LARP1B: variants seen among roughly 807,000 people sequenced by gnomAD.
LARP1B encodes La ribonucleoprotein 1B, also known as la-related protein 1B.
LARP1B carries 76 observed loss-of-function variants against 114.2 expected under a neutral mutation model. That is an observed-to-expected ratio of 0.67 (90% CI 0.55 to 0.81). The LOEUF (loss-of-function observed/expected upper bound fraction) is 0.81. Ranked by LOEUF, LARP1B falls within the 30% of genes least tolerant of loss-of-function variation. The pLI, the probability that LARP1B is intolerant of heterozygous loss-of-function variation, is 0.00. For missense variants in LARP1B, 1,014 were observed against 1,075.8 expected (o/e 0.94, Z 0.80); for synonymous variants, 345 against 348.0 (o/e 0.99, Z 0.10).
At chr4:128,061,863 C>T (rs911501999) in intron 1 of LARP1B, 3 of 985,112 alleles carry the variant, frequency 3.0e-6, no homozygotes, top group Non-Finnish European at 3.6e-6. Flanking sequence ...GCGGCCGCCA[C>T]TAGCGCTGGG....
chr4:128,182,264 C>T (rs1401246085), intron 15 of LARP1B, among the ~76,000 whole-genome samples: 1 of 151,964 alleles, frequency 6.6e-6, no homozygotes, highest in Non-Finnish European at 1.5e-5. Flanking sequence ...CAGTTGCATG[C>T]CACCATATCC....
rs1392005831 is a variant in LARP1B at position 128,118,882 on chromosome 4, T to C, written c.1162-2944T>C. ...TAATGTGAGGTATGATTCCACAGTC[T>C]TTTTTTTTTTTTGAGACAGAGTTTC... On this transcript the variant is annotated intron_variant, in intron 10 of 19. Transcript: ENST00000326639. Among the ~76,000 whole-genome samples, 32 of 20,442 alleles carry C rather than the reference T, an allele frequency of 1.6e-3. No homozygotes were observed. In the South Asian group the frequency reaches 0.076, roughly 48 times the overall value. The allele number at this position is 20,442 out of a possible 152,430, so 13.4% of individuals were successfully genotyped here. A position where few individuals can be genotyped will look rare whatever the true frequency, so the allele number is the denominator to read the frequency against.
chr4:128,146,336 G>T (rs1035313851), intron 11 of LARP1B, among the ~76,000 whole-genome samples: 3 of 152,162 alleles, frequency 2.0e-5, no homozygotes, highest in African/African-American at 7.2e-5. Context: ...TGCCAATATA[G>T]ATCAAATAAG....
intron 11 of LARP1B, among the ~76,000 whole-genome samples, chr4:128,148,579 A>G (rs938971502): frequency 6.6e-6 from 1 of 151,986 alleles, no homozygotes; most frequent in Non-Finnish European, 1.5e-5. Flanking sequence ...GTCCATAGTC[A>G]TCTTTCTCTT....
At position 128,082,194 on chromosome 4, in the gene LARP1B, T is replaced by C. The variant is rs1240483357; in HGVS notation, c.247T>C (p.Leu83=). The C allele has an allele frequency of 6.2e-7, 1 of 1,612,320 alleles. No homozygotes were observed. The highest frequency in any genetic ancestry group is 2.2e-5 in the East Asian group (1 of 44,886). ...ANKHKWVPLH[L]DVVRSESQER... ...TAAGCACAAGTGGGTACCACTCCACTTAGATGTTGTAAGATCAGAGAGTCA... is the reference window on the plus strand; with the variant it reads ...TAAGCACAAGTGGGTACCACTCCACCTAGATGTTGTAAGATCAGAGAGTCA... The change falls in exon 5 of 20, where the codon TTA becomes CTA. Residue 83 remains leucine, a synonymous_variant. Coordinates refer to ENST00000326639, the MANE Select transcript of LARP1B (RefSeq NM_018078.4).
intron 5 of LARP1B, among the ~76,000 whole-genome samples, chr4:128,084,444 G>A (rs866592877): frequency 6.6e-6 from 1 of 152,244 alleles, no homozygotes; most frequent in South Asian, 2.1e-4. Flanking sequence ...CCAGCACAGC[G>A]AAACCCCGTC....
chr4:128,156,007 G>A (rs958798925), intron 11 of LARP1B: 12 of 1,559,872 alleles, frequency 7.7e-6, no homozygotes, highest in Middle Eastern at 4.3e-4. Flanking sequence ...CCTTTCCCCA[G>A]GGCCTGTGCT....
At position 128,114,610 on chromosome 4, in the gene LARP1B, C is replaced by T; in HGVS notation, c.1029C>T (p.Ser343=). 1 of 1,613,402 alleles carries T rather than the reference C, an allele frequency of 6.2e-7. No homozygotes were observed. The highest frequency in any genetic ancestry group is 1.1e-5 in the South Asian group (1 of 90,968). Reference sequence around the variant, plus strand: ...CTCCAAGAATTGGAAGCCCATTGAGCCCAAAGAAAAACAGTGAAACAAGTA... The same window carrying T: ...CTCCAAGAATTGGAAGCCCATTGAGTCCAAAGAAAAACAGTGAAACAAGTA... ...PNSPRIGSPL[S]PKKNSETSIL... is the part of the protein sequence containing the mutation. Residue 343 remains serine, a synonymous_variant, in exon 10 of 20, where the codon AGC becomes AGT. Transcript: ENST00000326639.
chr4:128,162,749 T>C (rs1739050437), intron 12 of LARP1B, among the ~76,000 whole-genome samples: 1 of 152,142 alleles, frequency 6.6e-6, no homozygotes, highest in African/African-American at 2.4e-5. Context: ...GATTTTATTA[T>C]AGCCTTTTCC....
chr4:128,104,237 A>G lies in LARP1B; in HGVS notation c.814-2902A>G, dbSNP rs534142169. Among the ~76,000 whole-genome samples the G allele has an allele frequency of 4.4e-4, 67 of 152,218 alleles. 1 individual carries two copies. Among genetic ancestry groups the G allele is most frequent in the African/African-American group, 1.6e-3 (66 of 41,530 alleles). On this transcript the variant is annotated intron_variant, in intron 8 of 19. Coordinates refer to ENST00000326639, the MANE Select transcript of LARP1B (RefSeq NM_018078.4). ...GGCAAGCTGCTTTCTGTACCCTCCTAGTCAGTACCACTGCTTTCCCTTTTA... is the reference window on the plus strand; with the variant it reads ...GGCAAGCTGCTTTCTGTACCCTCCTGGTCAGTACCACTGCTTTCCCTTTTA...
chr4:128,114,335 A>G (rs888488493), intron 9 of LARP1B, among the ~76,000 whole-genome samples: 3 of 152,196 alleles, frequency 2.0e-5, no homozygotes. Flanking sequence ...AGAAGTTTAC[A>G]TGAATGTAGT....
At chr4:128,132,392 G>A (rs1462751390) in intron 11 of LARP1B, among the ~76,000 whole-genome samples, 1 of 151,776 alleles carries the variant, frequency 6.6e-6, no homozygotes, top group Non-Finnish European at 1.5e-5. Context: ...TTACAGGCAC[G>A]CCCCACCACG....
At chr4:128,117,876 A>T (rs1000363461) in intron 10 of LARP1B, among the ~76,000 whole-genome samples, 1 of 145,100 alleles carries the variant, frequency 6.9e-6, no homozygotes, top group Non-Finnish European at 1.5e-5. Flanking sequence ...TTTCAAGATG[A>T]TGTGCTTTGG....
chr4:128,094,841 T>C (rs900927249), intron 7 of LARP1B, among the ~76,000 whole-genome samples: 12 of 151,920 alleles, frequency 7.9e-5, no homozygotes, highest in African/African-American at 2.9e-4. Flanking sequence ...AACCTCCGCC[T>C]CCCGAGTCCA....
At chr4:128,062,121 T>G in intron 1 of LARP1B, 1 of 985,366 alleles carries the variant, frequency 1.0e-6, no homozygotes, top group Non-Finnish European at 1.2e-6. Context: ...CCGCCGCTGC[T>G]GCCGCCTAAG....
At chr4:128,126,177 A>G (rs940677887) in intron 11 of LARP1B, among the ~76,000 whole-genome samples, 2 of 143,102 alleles carry the variant, frequency 1.4e-5, no homozygotes, top group African/African-American at 2.7e-5. Flanking sequence ...GCTGGAGTGC[A>G]GTGGCACCAT....
chr4:128,103,188 C>G (rs1044132830), intron 8 of LARP1B, among the ~76,000 whole-genome samples: 1 of 152,092 alleles, frequency 6.6e-6, no homozygotes, highest in African/African-American at 2.4e-5. Context: ...CTCGATGTTT[C>G]TTCTAGGTCT....
chr4:128,083,744 C>A (rs1421725399), intron 5 of LARP1B, among the ~76,000 whole-genome samples: 439 of 144,990 alleles, frequency 3.0e-3, no homozygotes, highest in African/African-American at 0.011. Context: ...CCAGTAGGGG[C>A]GGCTGGGCAG....
intron 12 of LARP1B, among the ~76,000 whole-genome samples, chr4:128,172,142 T>G (rs1402721354): frequency 6.6e-6 from 1 of 152,140 alleles, no homozygotes; most frequent in African/African-American, 2.4e-5. Flanking sequence ...AAGGATTGGC[T>G]GATTATTTTT....
Sources: gnomAD v4.1 joint callset for allele counts (sites outside exome capture counted in the v4.1 genomes callset) on GRCh38, gnomAD v4.1.1 for gene constraint, MANE v1.5 for transcripts, NCBI Gene and HGNC (gene_info 2026-07-23, HGNC 2026-07-21) for gene names.